The following UVRAG variants were observed in gnomAD, a reference collection of about 807,000 sequenced individuals.
The protein encoded by UVRAG is UV radiation resistance-associated gene protein.
Under a neutral mutation model 78.0 loss-of-function variants are expected in UVRAG, and 19 were observed. The ratio of observed to expected loss-of-function variants is 0.24; its 90% CI spans 0.17 to 0.36. The LOEUF (loss-of-function observed/expected upper bound fraction) is 0.36, where lower values mean the gene tolerates loss of function less well. Among genes scored for constraint, UVRAG ranks in the 10% least tolerant of loss-of-function variants. The pLI is 1.00. For synonymous variants in UVRAG, 323 were observed against 324.6 expected (o/e 1.00, Z 0.05); for missense variants, 740 against 853.8 (o/e 0.87, Z 1.66).
intron 2 of UVRAG, among the ~76,000 whole-genome samples, chr11:75,854,794 TG>T (rs1946249853): frequency 6.6e-6 from 1 of 152,232 alleles, no homozygotes; most frequent in East Asian, 1.9e-4. Flanking sequence ...TGAAACAATT[TG>T]GCTACTATTT....
At chr11:75,954,596 T>A (rs180741467) in intron 6 of UVRAG, among the ~76,000 whole-genome samples, 116 of 152,354 alleles carry the variant, frequency 7.6e-4, no homozygotes, top group African/African-American at 2.4e-3. Flanking sequence ...AATCTCCCAC[T>A]GATGTCAAAA....
intron 14 of UVRAG, among the ~76,000 whole-genome samples, chr11:76,130,077 G>A (rs2134497579): frequency 6.6e-6 from 1 of 152,130 alleles, no homozygotes; most frequent in Non-Finnish European, 1.5e-5. Flanking sequence ...GACCTTTTGG[G>A]TCCTCAAACA....
Position 76,141,262 on chromosome 11 carries a change from A to G in UVRAG, c.1949A>G (p.Glu650Gly). Reference protein sequence around the residue: ...ATGFASGDQLEAFNCIPVDSA... With the variant: ...ATGFASGDQLGAFNCIPVDSA... Reference sequence around the variant, plus strand: ...GGTTTCGCCTCAGGTGATCAGCTAGAAGCATTTAACTGCATCCCAGTGGAC... The same window carrying G: ...GGTTTCGCCTCAGGTGATCAGCTAGGAGCATTTAACTGCATCCCAGTGGAC... The change falls in exon 15 of 15, where the codon GAA becomes GGA. Residue 650 changes from glutamate to glycine, a missense_variant. Physicochemically the swap from Glu to Gly is moderately conservative, Grantham distance 98 (BLOSUM62 -2). Transcript: ENST00000356136. 6.2e-7 allele frequency: 1 copy of G among 1,614,202 alleles called. No homozygotes were observed. Among genetic ancestry groups the G allele is most frequent in the South Asian group, 1.1e-5 (1 of 91,086 alleles).
chr11:75,965,888 T>G (rs78795282), intron 7 of UVRAG, among the ~76,000 whole-genome samples: 1,977 of 152,274 alleles, frequency 0.013, 41 homozygotes, highest in African/African-American at 0.044. Flanking sequence ...ATGCCCTTTA[T>G]TTGATTTTCA....
At chr11:75,910,654 CA>C (rs2135023694) in intron 5 of UVRAG, among the ~76,000 whole-genome samples, 1 of 151,470 alleles carries the variant, frequency 6.6e-6, no homozygotes, top group Admixed American at 6.6e-5. Flanking sequence ...TTTATCAAGA[CA>C]GGGGAATTGC....
At chr11:75,928,961 A>AAAAAAAAG (rs767893577) in intron 6 of UVRAG, among the ~76,000 whole-genome samples, 21 of 142,994 alleles carry the variant, frequency 1.5e-4, no homozygotes, top group African/African-American at 4.8e-4. Context: ...AAAAAAAAAA[A>AAAAAAAAG]AAAGAATTGA....
At chr11:76,055,961 G>A (rs1268695974) in intron 12 of UVRAG, among the ~76,000 whole-genome samples, 3 of 152,108 alleles carry the variant, frequency 2.0e-5, no homozygotes, top group African/African-American at 7.2e-5. Flanking sequence ...TGCCCACCTC[G>A]GCCTCCCAAA....
intron 12 of UVRAG, among the ~76,000 whole-genome samples, chr11:76,032,344 C>CACCAA (rs1432695799): frequency 1.3e-5 from 2 of 152,146 alleles, no homozygotes; most frequent in Admixed American, 1.3e-4. Flanking sequence ...TAAGGATGAT[C>CACCAA]ACCAAAAGTA....
chr11:75,856,012 C>T (rs746612298), intron 2 of UVRAG, among the ~76,000 whole-genome samples: 18 of 152,062 alleles, frequency 1.2e-4, no homozygotes, highest in South Asian at 6.2e-4. Flanking sequence ...TTTTTTGAGA[C>T]GGAGTCTCAC....
intron 13 of UVRAG, among the ~76,000 whole-genome samples, chr11:76,071,879 A>G (rs1353703329): frequency 6.6e-6 from 1 of 152,212 alleles, no homozygotes; most frequent in Non-Finnish European, 1.5e-5. Flanking sequence ...ATTGAGATGG[A>G]GAAAGATCCA....
rs553313500 is a variant in UVRAG, at chr11:76,112,487, C to A, written c.1306-3437C>A. 8.5e-4 allele frequency among the ~76,000 whole-genome samples: 129 copies of A among 152,142 alleles called. 3 individuals carry two copies. The South Asian group carries it at 0.027, about 31-fold the overall frequency. On this transcript the variant is annotated intron_variant, in intron 13 of 14. Coordinates refer to ENST00000356136, the MANE Select transcript of UVRAG (RefSeq NM_003369.4). ...TGAGGCAGTAGATCAAGAAAGAAGACAATCTAGGAAATAACAGCTTCAGCA... is the reference window on the plus strand; with the variant it reads ...TGAGGCAGTAGATCAAGAAAGAAGAAAATCTAGGAAATAACAGCTTCAGCA...
At chr11:75,892,073 C>T (rs1455041675) in intron 5 of UVRAG, among the ~76,000 whole-genome samples, 1 of 152,206 alleles carries the variant, frequency 6.6e-6, no homozygotes, top group Non-Finnish European at 1.5e-5. Flanking sequence ...TCCTCTTGGA[C>T]TGAACCTCCC....
chr11:75,917,028 CCT>C (rs1947871767), intron 6 of UVRAG, among the ~76,000 whole-genome samples: 1 of 152,144 alleles, frequency 6.6e-6, no homozygotes, highest in South Asian at 2.1e-4. Context: ...GTGCATGACT[CCT>C]GAACCATAAT....
chr11:75,950,739 A>G (rs1327106733), intron 6 of UVRAG, among the ~76,000 whole-genome samples: 1 of 152,140 alleles, frequency 6.6e-6, no homozygotes, highest in Non-Finnish European at 1.5e-5. Flanking sequence ...AGTTCTAGCC[A>G]TTATAATAGG....
At chr11:76,123,444 G>A (rs558234687) in intron 14 of UVRAG, among the ~76,000 whole-genome samples, 6 of 152,326 alleles carry the variant, frequency 3.9e-5, no homozygotes, top group Non-Finnish European at 7.3e-5. Context: ...TGGGTCGGGT[G>A]AGTAGCCTAA....
intron 12 of UVRAG, among the ~76,000 whole-genome samples, chr11:76,041,627 G>A (rs891374336): frequency 2.0e-5 from 3 of 152,216 alleles, no homozygotes; most frequent in Non-Finnish European, 2.9e-5. Context: ...ATCTTTGGAA[G>A]ACAATGAAGT....
intron 12 of UVRAG, among the ~76,000 whole-genome samples, chr11:76,052,948 TCTATATA>T (rs1469206451): frequency 7.4e-5 from 11 of 149,608 alleles, no homozygotes; most frequent in African/African-American, 2.0e-4. Flanking sequence ...TTATAGAGTA[TCTATATA>T]CTATAGAGTA....
chr11:76,048,074 AAC>A (rs1491400305), intron 12 of UVRAG, among the ~76,000 whole-genome samples: 1 of 152,234 alleles, frequency 6.6e-6, no homozygotes, highest in Non-Finnish European at 1.5e-5. Flanking sequence ...TACAATAAAA[AAC>A]AGTCACCAGC....
At chr11:76,095,329 A>G (rs1000644618) in intron 13 of UVRAG, among the ~76,000 whole-genome samples, 1 of 152,014 alleles carries the variant, frequency 6.6e-6, no homozygotes, top group African/African-American at 2.4e-5. Context: ...TTGGAATTCA[A>G]CTTTTTCAAT....
Sources: gnomAD v4.1 joint callset for allele counts (sites outside exome capture counted in the v4.1 genomes callset) on GRCh38, gnomAD v4.1.1 for gene constraint, MANE v1.5 for transcripts, NCBI Gene and HGNC (gene_info 2026-07-23, HGNC 2026-07-21) for gene names.